CACUL1: variants seen among roughly 807,000 people sequenced by gnomAD.
CACUL1 encodes CDK2 associated cullin domain 1.
In CACUL1, 13 loss-of-function variants were observed where a neutral mutation model predicts 45.2. The observed-to-expected ratio is 0.29, with a 90% CI of 0.19 to 0.46. The LOEUF (loss-of-function observed/expected upper bound fraction) is 0.46. Ranked by LOEUF, CACUL1 falls within the 20% of genes least tolerant of loss-of-function variation. CACUL1 has a pLI of 1.00. For synonymous variants in CACUL1, 197 were observed against 174.2 expected (o/e 1.13, Z -1.03); for missense variants, 421 against 471.4 (o/e 0.89, Z 0.99).
intron 3 of CACUL1, among the ~76,000 whole-genome samples, chr10:118,726,623 T>A (rs1845654074): frequency 6.6e-6 from 1 of 152,080 alleles, no homozygotes; most frequent in African/African-American, 2.4e-5. Flanking sequence ...TGGACACAAA[T>A]GAGCTTAAGC....
intron 6 of CACUL1, among the ~76,000 whole-genome samples, chr10:118,694,591 A>C (rs981799873): frequency 6.6e-6 from 1 of 152,216 alleles, no homozygotes; most frequent in Non-Finnish European, 1.5e-5. Flanking sequence ...GCTCCTTGGG[A>C]TTCCTTTAAA....
chr10:118,753,895 T>C (rs1224091371), intron 1 of CACUL1, among the ~76,000 whole-genome samples: 38 of 152,226 alleles, frequency 2.5e-4, no homozygotes, highest in Non-Finnish European at 7.3e-5. Context: ...GGTGTAGATA[T>C]AGGTCAACTT....
At chr10:118,732,747 A>G (rs1258359321) in intron 1 of CACUL1, among the ~76,000 whole-genome samples, 4 of 151,932 alleles carry the variant, frequency 2.6e-5, no homozygotes, top group East Asian at 1.9e-4. Context: ...CACTTCCCCA[A>G]TCCCCCTAGA....
rs1309943706 is a variant in CACUL1, at chr10:118,691,362, G to T, written c.928C>A (p.Pro310Thr). 1 of 1,612,858 alleles carries T rather than the reference G, an allele frequency of 6.2e-7. No individual in the cohort carries two copies. The highest frequency in any genetic ancestry group is 8.5e-7 in the Non-Finnish European group (1 of 1,178,938). Residue 310 changes from proline (P) to threonine (T), a missense_variant, in exon 7 of 9, where the codon CCA becomes ACA. Physicochemically the swap from Pro to Thr is conservative, Grantham distance 38. Around this residue, in one of 2 missense-constraint regions of CACUL1, gnomAD observed 208 missense variants for 298.4 expected, o/e 0.70. Transcript: ENST00000369151. Reference protein sequence around the residue: ...MAPTLFSKFIPNILPPAVESE... With the variant: ...MAPTLFSKFITNILPPAVESE... ...TCCACCGCCGGAGGGAGAATGTTTGGAATAAATTTAGAAAATAGAGTTGGA... is the reference window on the plus strand; with the variant it reads ...TCCACCGCCGGAGGGAGAATGTTTGTAATAAATTTAGAAAATAGAGTTGGA...
At position 118,754,940 on chromosome 10, in the gene CACUL1, C is replaced by T. The variant is rs1845943354; in HGVS notation, c.-178G>A. The T allele has an allele frequency of 2.6e-6, 2 of 775,626 alleles. No homozygotes were observed. Among genetic ancestry groups the T allele is most frequent in the Non-Finnish European group, 1.9e-6 (1 of 530,830 alleles). 48.0% of individuals were successfully genotyped at this position (775,626 alleles called of 1,614,324 possible). A position where few individuals can be genotyped will look rare whatever the true frequency, so the allele number is the denominator to read the frequency against. ...CGCGGGGCCGACTAGCTTGAAGACG[C>T]GGCTGACGGCGGTGGGCGCTCCGGG... On this transcript the variant is annotated 5_prime_UTR_variant, in exon 1 of 9. Transcript: ENST00000369151.
At position 118,684,417 on chromosome 10, in the gene CACUL1, G is replaced by C. The variant is rs1845184917; in HGVS notation, c.*1711C>G. ...TTGATACTAGAATGTTACCAGTGTA[G>C]CAACTTAAACTGTCCAGGTCATAGT... On this transcript the variant is annotated 3_prime_UTR_variant, in exon 9 of 9. Transcript: ENST00000369151. 6.6e-6 allele frequency: 1 copy of C among 152,192 alleles called. No homozygotes were observed. Among genetic ancestry groups the C allele is most frequent in the Admixed American group, 6.5e-5 (1 of 15,286 alleles). The allele number at this position is 152,192 out of a possible 1,614,324, so 9.4% of individuals were successfully genotyped here. A position where few individuals can be genotyped will look rare whatever the true frequency, so the allele number is the denominator to read the frequency against.
chr10:118,745,433 A>G (rs1845832205), intron 1 of CACUL1, among the ~76,000 whole-genome samples: 3 of 152,060 alleles, frequency 2.0e-5, no homozygotes, highest in Admixed American at 2.0e-4. Context: ...GTGGTGGCAC[A>G]TGACTGTAAT....
intron 3 of CACUL1, chr10:118,726,287 G>A (rs957187810): frequency 1.4e-5 from 18 of 1,274,624 alleles, no homozygotes; most frequent in Non-Finnish European, 1.7e-5. Flanking sequence ...CAAATCTAGA[G>A]AGCACAGGAG....
intron 6 of CACUL1, chr10:118,692,634 A>T (rs1275325352): frequency 6.6e-6 from 1 of 152,216 alleles, no homozygotes; most frequent in Non-Finnish European, 1.5e-5. Context: ...GAATTGTTTT[A>T]ATCTAGCCCT....
At chr10:118,727,948 G>A (rs779765554) in intron 3 of CACUL1, among the ~76,000 whole-genome samples, 3 of 152,114 alleles carry the variant, frequency 2.0e-5, no homozygotes, top group Non-Finnish European at 2.9e-5. Context: ...TAGATCTAGG[G>A]TTTCATCAAC....
In CACUL1 at chr10:118,695,134, T is replaced by C. The variant is rs1415284022; in HGVS notation, c.886+7A>G. The C allele has an allele frequency of 2.0e-6, 3 of 1,516,992 alleles. No homozygotes were observed. Among genetic ancestry groups the C allele is most frequent in the East Asian group, 2.3e-5 (1 of 44,328 alleles). 94.0% of individuals were successfully genotyped at this position (1,516,992 alleles called of 1,614,324 possible). On this transcript the variant is annotated splice_region_variant and intron_variant, in intron 6 of 8. Transcript: ENST00000369151. ...TTCCAATCCCAACAGAAATGAGAAA[T>C]GTTTACCTGGTCTGAGGGTATACAG...
At chr10:118,736,192 A>G (rs1845739086) in intron 1 of CACUL1, among the ~76,000 whole-genome samples, 1 of 152,202 alleles carries the variant, frequency 6.6e-6, no homozygotes, top group African/African-American at 2.4e-5. Flanking sequence ...CATAGAAAGT[A>G]TAAGAAGTAA....
At chr10:118,734,210 T>C (rs1322261097) in intron 1 of CACUL1, among the ~76,000 whole-genome samples, 1 of 152,196 alleles carries the variant, frequency 6.6e-6, no homozygotes, top group African/African-American at 2.4e-5. Flanking sequence ...GAAGCCTGCA[T>C]TAGAAAATAC....
chr10:118,718,046 G>A (rs2119614477), intron 3 of CACUL1, among the ~76,000 whole-genome samples: 1 of 152,312 alleles, frequency 6.6e-6, no homozygotes, highest in South Asian at 2.1e-4. Flanking sequence ...AAAGCCATTT[G>A]CTGAAAGGAA....
At position 118,682,612 on chromosome 10, in the gene CACUL1, G is replaced by GTGCTGAAAAACGTTCAAATCCCT. The variant is rs1564825948; in HGVS notation, c.*3493_*3515dup. On this transcript the variant is annotated 3_prime_UTR_variant, in exon 9 of 9. Transcript: ENST00000369151. ...ACCACCACTCGGAAGTTATCCTTTTGTGCTGAAAAACGTTCAAATCCCTTG... is the reference window on the plus strand; with the variant it reads ...ACCACCACTCGGAAGTTATCCTTTTGTGCTGAAAAACGTTCAAATCCCTTGCTGAAAAACGTTCAAATCCCTTG... 6.6e-6 allele frequency: 1 copy of GTGCTGAAAAACGTTCAAATCCCT among 152,636 alleles called. No homozygotes were observed. The highest frequency in any genetic ancestry group is 1.5e-5 in the Non-Finnish European group (1 of 68,048). 9.5% of individuals were successfully genotyped at this position (152,636 alleles called of 1,614,324 possible). A position where few individuals can be genotyped will look rare whatever the true frequency, so the allele number is the denominator to read the frequency against.
intron 1 of CACUL1, among the ~76,000 whole-genome samples, chr10:118,739,352 A>G (rs1845770893): frequency 6.6e-6 from 1 of 152,198 alleles, no homozygotes; most frequent in African/African-American, 2.4e-5. Context: ...AACAGAACAG[A>G]GAAAATGTAA....
chr10:118,740,834 G>A (rs1489943107), intron 1 of CACUL1, among the ~76,000 whole-genome samples: 1 of 148,064 alleles, frequency 6.8e-6, no homozygotes, highest in African/African-American at 2.5e-5. Flanking sequence ...GCTGAGGCAG[G>A]AGAATAGCGT....
chr10:118,697,164 A>G (rs1405716281), intron 5 of CACUL1, among the ~76,000 whole-genome samples: 1 of 152,224 alleles, frequency 6.6e-6, no homozygotes, highest in Non-Finnish European at 1.5e-5. Context: ...TGAGAGAGAA[A>G]AGAGTACTGA....
intron 3 of CACUL1, among the ~76,000 whole-genome samples, chr10:118,719,631 G>C (rs1371108630): frequency 6.6e-6 from 1 of 152,118 alleles, no homozygotes; most frequent in South Asian, 2.1e-4. Context: ...GACCAACGTG[G>C]AGAAATCCCG....
Sources: gnomAD v4.1 joint callset for allele counts (sites outside exome capture counted in the v4.1 genomes callset) on GRCh38, gnomAD v4.1.1 for gene constraint, gnomAD v4.1.1 regional missense constraint, MANE v1.5 for transcripts, NCBI Gene and HGNC (gene_info 2026-07-23, HGNC 2026-07-21) for gene names.